CCDC195: variants seen among roughly 807,000 people sequenced by gnomAD.
CCDC195 encodes coiled-coil domain-containing protein 195.
chr2:224,706,335 G>A (rs990930110), intron 2 of CCDC195, among the ~76,000 whole-genome samples: 2 of 148,402 alleles, frequency 1.3e-5, no homozygotes, highest in Non-Finnish European at 3.0e-5. Context: ...CTCCCAAGTA[G>A]CTGGGACTAC....
intron 1 of CCDC195, among the ~76,000 whole-genome samples, chr2:224,715,143 G>T (rs187201191): frequency 6.6e-6 from 1 of 152,208 alleles, no homozygotes; most frequent in East Asian, 1.9e-4. Context: ...TGGCCAGGAA[G>T]GTCTCAATCT....
chr2:224,715,428 T>C (rs1689367809), intron 1 of CCDC195, among the ~76,000 whole-genome samples: 1 of 152,226 alleles, frequency 6.6e-6, no homozygotes, highest in Non-Finnish European at 1.5e-5. Context: ...AAACATCGAC[T>C]CTGTATCTTG....
intron 1 of CCDC195, 27 bp from the exon 2 acceptor site, chr2:224,710,246 T>C (rs892656301): frequency 6.3e-5 from 25 of 398,516 alleles, no homozygotes; most frequent in African/African-American, 4.9e-4. Flanking sequence ...AAATCCAACT[T>C]AAAAAAATTC....
intron 2 of CCDC195, among the ~76,000 whole-genome samples, chr2:224,707,965 T>A (rs1689241080): frequency 1.2e-5 from 1 of 81,834 alleles, no homozygotes; most frequent in Admixed American, 1.2e-4. Context: ...CCTCCCTCCC[T>A]CCCTTCTTCC....
intron 2 of CCDC195, among the ~76,000 whole-genome samples, chr2:224,706,889 G>A (rs866600350): frequency 0.012 from 1,687 of 141,232 alleles, 31 homozygotes; most frequent in African/African-American, 0.041. Flanking sequence ...GTGTCTGTGT[G>A]TATATATATA....
At chr2:224,705,718 A>G (rs77232974) in intron 2 of CCDC195, among the ~76,000 whole-genome samples, 5,882 of 152,280 alleles carry the variant, frequency 0.039, 186 homozygotes, top group African/African-American at 0.089. Flanking sequence ...AAAATGCTCA[A>G]TTCCTACTCA....
At chr2:224,706,006 C>T (rs1032710030) in intron 2 of CCDC195, among the ~76,000 whole-genome samples, 7 of 151,844 alleles carry the variant, frequency 4.6e-5, no homozygotes, top group Admixed American at 6.6e-5. Flanking sequence ...TAATTCTCAG[C>T]ATTGTATGTC....
chr2:224,710,432 G>A (rs1422748565), intron 1 of CCDC195, among the ~76,000 whole-genome samples: 1 of 152,196 alleles, frequency 6.6e-6, no homozygotes, highest in East Asian at 1.9e-4. Flanking sequence ...CACAAGGTCA[G>A]GCGATGGTGA....
Position 224,710,231 on chromosome 2 carries a change from A to G in CCDC195, c.236-12T>C. 1 of 398,622 alleles carries G rather than the reference A, an allele frequency of 2.5e-6. No homozygotes were observed. Among genetic ancestry groups the G allele is most frequent in the Middle Eastern group, 6.3e-4 (1 of 1,588 alleles). 24.7% of individuals were successfully genotyped at this position (398,622 alleles called of 1,614,324 possible). A position where few individuals can be genotyped will look rare whatever the true frequency, so the allele number is the denominator to read the frequency against. On this transcript the variant is annotated splice_polypyrimidine_tract_variant and intron_variant, in intron 1 of 2. Transcript: ENST00000638102. Reference sequence around the variant, plus strand: ...AATCATGACATTGCCTGTACAAAAGACACAAAATCCAACTTAAAAAAATTC... The same window carrying G: ...AATCATGACATTGCCTGTACAAAAGGCACAAAATCCAACTTAAAAAAATTC...
chr2:224,704,225 C>T (rs548835723), intron 2 of CCDC195, among the ~76,000 whole-genome samples: 1 of 152,298 alleles, frequency 6.6e-6, no homozygotes, highest in Non-Finnish European at 1.5e-5. Flanking sequence ...ATCTTCAGCT[C>T]ATGAAATGAA....
At chr2:224,709,264 T>G (rs1689278109) in intron 2 of CCDC195, among the ~76,000 whole-genome samples, 1 of 151,978 alleles carries the variant, frequency 6.6e-6, no homozygotes, top group African/African-American at 2.4e-5. Context: ...AATTTTTGTA[T>G]TTTTAGTAGA....
At chr2:224,704,014 A>T in intron 2 of CCDC195, 127 bp from the exon 3 acceptor site, 1 of 393,950 alleles carries the variant, frequency 2.5e-6, no homozygotes, top group South Asian at 1.4e-4. Flanking sequence ...AAAATATATC[A>T]TGATATTTTT....
intron 2 of CCDC195, among the ~76,000 whole-genome samples, chr2:224,705,113 T>A (rs13418804): frequency 0.18 from 27,877 of 152,060 alleles, 2,652 homozygotes; most frequent in East Asian, 0.27. Flanking sequence ...CACAGGACAA[T>A]CTAGTAACTT....
chr2:224,715,306 A>C (rs1308111154), intron 1 of CCDC195, among the ~76,000 whole-genome samples: 1 of 152,134 alleles, frequency 6.6e-6, no homozygotes, highest in African/African-American at 2.4e-5. Context: ...AGGTATTGAC[A>C]ATTTTAATGT....
intron 1 of CCDC195, 51 bp from the exon 2 acceptor site, chr2:224,710,270 C>T (rs1689299182): frequency 2.5e-6 from 1 of 398,084 alleles, no homozygotes; most frequent in Non-Finnish European, 4.4e-6. Flanking sequence ...CCTAATGACA[C>T]TCACAAATGA....
intron 1 of CCDC195, among the ~76,000 whole-genome samples, chr2:224,715,261 A>G (rs963091342): frequency 3.9e-5 from 6 of 152,160 alleles, no homozygotes; most frequent in Non-Finnish European, 7.3e-5. Flanking sequence ...AATTATGTAT[A>G]TGAATTATTT....
intron 1 of CCDC195, among the ~76,000 whole-genome samples, chr2:224,712,484 C>T (rs1689327788): frequency 6.6e-6 from 1 of 152,198 alleles, no homozygotes; most frequent in Admixed American, 6.5e-5. Context: ...AGGCACTCTG[C>T]ATTCTCAGTA....
chr2:224,707,924 C>T (rs867200329), intron 2 of CCDC195, among the ~76,000 whole-genome samples: 5 of 150,142 alleles, frequency 3.3e-5, no homozygotes, highest in Non-Finnish European at 7.4e-5. Flanking sequence ...TTCTTTCTTC[C>T]TTCCTTTCTT....
chr2:224,703,854 G>C, exon 3 of CCDC195: 1 of 398,516 alleles, frequency 2.5e-6, no homozygotes, highest in East Asian at 3.6e-5. Flanking sequence ...ACATGTCCAT[G>C]GGTAACAGGA....
Sources: gnomAD v4.1 joint callset for allele counts (sites outside exome capture counted in the v4.1 genomes callset) on GRCh38, gnomAD v4.1.1 for gene constraint, MANE v1.5 for transcripts, NCBI Gene and HGNC (gene_info 2026-07-23, HGNC 2026-07-21) for gene names.